SLIT1: variants seen among roughly 807,000 people sequenced by gnomAD.
SLIT1 encodes the protein slit guidance ligand 1.
Under a neutral mutation model 186.1 loss-of-function variants are expected in SLIT1, and 66 were observed. The observed-to-expected ratio is 0.35, with a 90% confidence interval of 0.29 to 0.44. The LOEUF is 0.44. SLIT1 is among the 20% of genes least tolerant of loss of function. The pLI is 1.00. For synonymous variants in SLIT1, 761 were observed against 833.8 expected, an observed-to-expected ratio of 0.91 and a Z score of 1.50; for missense variants, 1,638 against 2,037.4, an observed-to-expected ratio of 0.80 and a Z score of 3.77.
Position 97,185,800 on chromosome 10 carries a change from GC to G in SLIT1, c.-127del. On this transcript the variant is annotated 5_prime_UTR_variant, in exon 1 of 37. Transcript: ENST00000266058. ...AAGAGCCCGCGGGCTTGCGCGCGGC[GC>G]CCCTGCGGGCTGGGAGGCACCTTGC... 1.2e-6 allele frequency: 1 copy of G among 827,152 alleles called. No homozygotes were observed. The highest frequency in any genetic ancestry group is 2.3e-5 in the South Asian group (1 of 42,902). The allele number at this position is 827,152 out of a possible 1,614,324, so 51.2% of individuals were successfully genotyped here. A position where few individuals can be genotyped will look rare whatever the true frequency, so the allele number is the denominator to read the frequency against.
In SLIT1 at chr10:97,153,531, C is replaced by T. The variant is rs567052398; in HGVS notation, c.413+4287G>A. 2.8e-5 allele frequency: 4 copies of T among 141,714 alleles called. No individual in the cohort carries two copies. In the Admixed American group the frequency reaches 3.0e-4, roughly 11 times the overall value. 8.8% of individuals were successfully genotyped at this position (141,714 alleles called of 1,614,324 possible). ...TCAACAAGTGAGAGAACAGGAATGC[C>T]AGGCACTGCCTTCTAAGGGAATAGG... On this transcript the variant is annotated intron_variant, in intron 4 of 36. Transcript: ENST00000266058.
intron 4 of SLIT1, among the ~76,000 whole-genome samples, chr10:97,098,227 G>T (rs539242968): frequency 1.3e-5 from 2 of 152,168 alleles, no homozygotes; most frequent in African/African-American, 4.8e-5. Flanking sequence ...GGGATGACCC[G>T]GGGGGCTAAG....
intron 4 of SLIT1, among the ~76,000 whole-genome samples, chr10:97,066,360 T>C (rs1240001327): frequency 6.6e-6 from 1 of 152,184 alleles, no homozygotes; most frequent in Non-Finnish European, 1.5e-5. Context: ...GGCTTGCAGC[T>C]GGAAGGAGAA....
intron 34 of SLIT1, 83 bp downstream of exon 34, chr10:97,003,985 A>ACAGTG (rs1848335462): frequency 7.9e-7 from 1 of 1,261,738 alleles, no homozygotes; most frequent in African/African-American, 1.5e-5. Context: ...GGCATTTCCC[A>ACAGTG]CAGTGCAGTC....
At chr10:97,146,259 G>A (rs1165106775) in intron 4 of SLIT1, among the ~76,000 whole-genome samples, 1 of 152,188 alleles carries the variant, frequency 6.6e-6, no homozygotes. Context: ...CTGATGCCTG[G>A]CTAAAAATTA....
rs1329306291 is a variant in SLIT1, at chr10:96,998,986, G to GA, written c.*2125dup. Reference sequence around the variant, plus strand: ...GGTGGTGGGGAATGGTGGTGGCCAGGAAAGCTATCTTTCTCAGGGTTGGTG... The same window carrying GA: ...GGTGGTGGGGAATGGTGGTGGCCAGGAAAAGCTATCTTTCTCAGGGTTGGTG... On this transcript the variant is annotated 3_prime_UTR_variant, in exon 37 of 37. Transcript: ENST00000266058. 1.3e-5 allele frequency: 2 copies of GA among 152,304 alleles called. No homozygotes were observed. The highest frequency in any genetic ancestry group is 4.8e-5 in the African/African-American group (2 of 41,452). The allele number at this position is 152,304 out of a possible 1,614,324, so 9.4% of individuals were successfully genotyped here.
intron 4 of SLIT1, among the ~76,000 whole-genome samples, chr10:97,135,124 C>G (rs1849690048): frequency 6.6e-6 from 1 of 152,196 alleles, no homozygotes; most frequent in African/African-American, 2.4e-5. Context: ...ACGGGCCCAG[C>G]CTGGGGAAAG....
At chr10:97,176,388 C>T (rs997434037) in intron 1 of SLIT1, among the ~76,000 whole-genome samples, 5 of 152,092 alleles carry the variant, frequency 3.3e-5, no homozygotes, top group Admixed American at 3.3e-4. Context: ...TGGCCCATTG[C>T]CAGCCCTCCC....
At chr10:97,069,213 G>A (rs149394356) in intron 4 of SLIT1, among the ~76,000 whole-genome samples, 4 of 152,232 alleles carry the variant, frequency 2.6e-5, no homozygotes, top group Non-Finnish European at 5.9e-5. Flanking sequence ...GGAGCTCATG[G>A]TCATGCGAGT....
intron 35 of SLIT1, 46 bp downstream of exon 35, chr10:97,002,658 G>A: frequency 6.7e-7 from 1 of 1,501,376 alleles, no homozygotes; most frequent in South Asian, 1.3e-5. Flanking sequence ...CATGGGGAAG[G>A]AACAGGTAGG....
intron 4 of SLIT1, among the ~76,000 whole-genome samples, chr10:97,093,222 C>T (rs904186701): frequency 1.3e-5 from 2 of 152,214 alleles, no homozygotes; most frequent in Non-Finnish European, 2.9e-5. Flanking sequence ...CCTGGGAGGG[C>T]AGTGGATAGG....
In SLIT1 at chr10:97,049,249, G is replaced by A. The variant is rs537132396; in HGVS notation, c.1302-131C>T. On this transcript the variant is annotated intron_variant, in intron 13 of 36. Coordinates refer to ENST00000266058, the MANE Select transcript of SLIT1 (RefSeq NM_003061.3). ...TGGCCTGGAGCCTAGGGTCAGCCAC[G>A]GGGGGAAAGAGAGAGTGGGGTGAAC... 1.9e-4 allele frequency: 202 copies of A among 1,063,176 alleles called. 1 individual carries two copies. In the Admixed American group the frequency reaches 4.4e-3, roughly 23 times the overall value. The allele number at this position is 1,063,176 out of a possible 1,614,324, so 65.9% of individuals were successfully genotyped here. A position where few individuals can be genotyped will look rare whatever the true frequency, so the allele number is the denominator to read the frequency against.
At chr10:97,018,734 T>C (rs1848476688) in intron 27 of SLIT1, 51 bp from the exon 28 acceptor site, 1 of 1,245,454 alleles carries the variant, frequency 8.0e-7, no homozygotes, top group African/African-American at 1.5e-5. Flanking sequence ...GGAGTTAGTA[T>C]GAGCCAACAG....
intron 1 of SLIT1, among the ~76,000 whole-genome samples, chr10:97,172,604 A>C (rs1288343001): frequency 6.6e-6 from 1 of 152,174 alleles, no homozygotes; most frequent in African/African-American, 2.4e-5. Flanking sequence ...CGAAAATAAA[A>C]ACACACACAC....
chr10:97,180,292 G>A (rs1326201455), intron 1 of SLIT1, among the ~76,000 whole-genome samples: 1 of 152,218 alleles, frequency 6.6e-6, no homozygotes, highest in Non-Finnish European at 1.5e-5. Flanking sequence ...TGTGCAAAGC[G>A]CTCCTGCGAG....
chr10:97,133,591 G>T (rs993784863), intron 4 of SLIT1, among the ~76,000 whole-genome samples: 1 of 152,102 alleles, frequency 6.6e-6, no homozygotes, highest in Non-Finnish European at 1.5e-5. Context: ...GGTCCACAAC[G>T]ATGCGAACTT....
At chr10:97,044,931 T>C (rs563059800) in intron 18 of SLIT1, among the ~76,000 whole-genome samples, 21 of 152,304 alleles carry the variant, frequency 1.4e-4, no homozygotes, top group African/African-American at 4.8e-4. Context: ...TGGGAGGTAA[T>C]GAGGTCATAA....
intron 4 of SLIT1, among the ~76,000 whole-genome samples, chr10:97,118,639 A>G (rs1225600149): frequency 2.6e-5 from 4 of 152,210 alleles, no homozygotes; most frequent in Admixed American, 6.5e-5. Context: ...GGGGGAAGGA[A>G]ACATGGCTCA....
In SLIT1 at chr10:97,081,415, G is replaced by A. The variant is rs145491966; in HGVS notation, c.414-15329C>T. On this transcript the variant is annotated intron_variant, in intron 4 of 36. Transcript: ENST00000266058. ...CCAAGGAGGCCAGCAGAGCACCACT[G>A]GGTCCCTGGGGCATTTCCATTCCCT... Among the ~76,000 whole-genome samples the A allele has an allele frequency of 4.5e-4, 68 of 152,282 alleles. 1 individual carries two copies. The highest frequency in any genetic ancestry group is 1.6e-3 in the African/African-American group (66 of 41,558).
Sources: gnomAD v4.1 joint callset for allele counts (sites outside exome capture counted in the v4.1 genomes callset) on GRCh38, gnomAD v4.1.1 for gene constraint, MANE v1.5 for transcripts, NCBI Gene and HGNC (gene_info 2026-07-23, HGNC 2026-07-21) for gene names.